TPPP2: variants seen among roughly 807,000 people sequenced by gnomAD.
TPPP2 encodes the protein tubulin polymerization-promoting protein family member 2.
In TPPP2, 8 loss-of-function variants were observed where a neutral mutation model predicts 13.0. The ratio of observed to expected loss-of-function variants is 0.62; its 90% CI spans 0.36 to 1.11. The LOEUF (loss-of-function observed/expected upper bound fraction) is 1.11. TPPP2 is among the 50% of genes most tolerant of loss of function. The pLI, the probability that TPPP2 is intolerant of heterozygous loss-of-function variation, is 0.02. For synonymous variants in TPPP2, 81 were observed against 81.8 expected (o/e 0.99, Z 0.05); for missense variants, 213 against 216.9 (o/e 0.98, Z 0.11).
upstream of TPPP2, chr14:21,025,600 G>A (rs1234884433): frequency 1.2e-5 from 12 of 985,454 alleles, no homozygotes; most frequent in Non-Finnish European, 3.6e-6. The surrounding 1 kb of genome is among the most constrained non-coding windows in gnomAD (Gnocchi z 5.1). Flanking sequence ...GGGCAGGTGT[G>A]CTGGCGCCGA....
In TPPP2 at chr14:21,032,082, G is replaced by A. The variant is rs773235032; in HGVS notation, c.*5G>A. On this transcript the variant is annotated 3_prime_UTR_variant, in exon 4 of 4. Coordinates refer to ENST00000321760, the MANE Select transcript of TPPP2 (RefSeq NM_173846.5). The stretch of plus-strand genomic sequence containing the variant: ...TACGATAAGAAGACCAAGTAGAGAG[G>A]AGCTTCATCTCAGCCTGCTAGCCCC... 6.2e-7 allele frequency: 1 copy of A among 1,609,908 alleles called. No individual in the cohort carries two copies.
chr14:21,029,788 G>T (rs1241643944), upstream of TPPP2, among the ~76,000 whole-genome samples: 2 of 152,150 alleles, frequency 1.3e-5, no homozygotes, highest in African/African-American at 2.4e-5. Flanking sequence ...GCAAGAAGGT[G>T]CCATCTATGG....
chr14:21,024,390 C>G, intron 1 of TPPP2: 3 of 911,208 alleles, frequency 3.3e-6, no homozygotes, highest in Non-Finnish European at 3.9e-6. Flanking sequence ...AATCCCGGCT[C>G]TGCCACTCCC....
upstream of TPPP2, chr14:21,025,380 G>T: frequency 2.0e-6 from 2 of 985,528 alleles, no homozygotes; most frequent in Non-Finnish European, 2.4e-6. This position sits in a 1 kb window ranked among gnomAD's most constrained non-coding sequence, Gnocchi z 5.1. Context: ...CCTCAGCACC[G>T]CCCCATCCAC....
downstream of TPPP2, chr14:21,033,841 C>T (rs765214875): frequency 2.9e-5 from 46 of 1,612,176 alleles, no homozygotes; most frequent in East Asian, 3.6e-4. Flanking sequence ...TAGAGACCAG[C>T]GATACCTATT....
intron 3 of TPPP2, among the ~76,000 whole-genome samples, chr14:21,031,656 T>C (rs1392928937): frequency 6.6e-5 from 10 of 151,722 alleles, no homozygotes; most frequent in Non-Finnish European, 1.5e-5. Context: ...AAACCTACCC[T>C]CCCTCTGCAC....
downstream of TPPP2, chr14:21,034,102 T>C (rs1467805144): frequency 1.8e-5 from 29 of 1,614,062 alleles, no homozygotes; most frequent in Non-Finnish European, 2.4e-5. Flanking sequence ...GAATTTTGCA[T>C]CTTGCCTCGC....
intron 3 of TPPP2, 120 bp downstream of exon 3, chr14:21,031,285 A>G: frequency 1.5e-6 from 2 of 1,339,696 alleles, no homozygotes; most frequent in Non-Finnish European, 1.0e-6. Flanking sequence ...GACTTTAGAG[A>G]TCATCTAGAC....
At position 21,025,174 on chromosome 14, in the gene TPPP2, A is replaced by T; in HGVS notation, n.236+830A>T. The T allele has an allele frequency of 1.1e-6, 1 of 908,950 alleles. No homozygotes were observed. Among genetic ancestry groups the T allele is most frequent in the South Asian group, 5.0e-5 (1 of 19,816 alleles). 56.3% of individuals were successfully genotyped at this position (908,950 alleles called of 1,614,324 possible). On this transcript the variant is annotated intron_variant and non_coding_transcript_variant, in intron 1 of 1. Coordinates refer to the TPPP2 transcript ENST00000533755. This position sits in a 1 kb window ranked among gnomAD's most constrained non-coding sequence, Gnocchi z 5.1. The stretch of plus-strand genomic sequence containing the variant: ...GCAGACCCGCCCCAGACCCCCAGTA[A>T]ACACGCCCCCCCTTTCACCCCGCCC...
At chr14:21,025,233 C>G, upstream of TPPP2, 1 of 851,678 alleles carries the variant, frequency 1.2e-6, no homozygotes, top group African/African-American at 1.8e-5. The surrounding 1 kb of genome is among the most constrained non-coding windows in gnomAD (Gnocchi z 5.1). Flanking sequence ...GTGCTGGGGC[C>G]GGGGGGCGAG....
intron 1 of TPPP2, 82 bp from the exon 2 acceptor site, chr14:21,030,431 A>T: frequency 1.3e-6 from 1 of 770,098 alleles, no homozygotes; most frequent in Non-Finnish European, 2.1e-6. Context: ...GGGAGGGAGA[A>T]AGGAGAGAGC....
chr14:21,034,908 C>T (rs994381153), downstream of TPPP2: 2 of 152,482 alleles, frequency 1.3e-5, no homozygotes, highest in Non-Finnish European at 2.9e-5. Flanking sequence ...GGAACACTTA[C>T]TTCCAATCTC....
chr14:21,024,845 G>T, intron 1 of TPPP2: 1 of 985,724 alleles, frequency 1.0e-6, no homozygotes, highest in Non-Finnish European at 1.2e-6. Flanking sequence ...AACCTCGCGC[G>T]CACCCCAAAC....
At chr14:21,034,153 T>C (rs1884454201), downstream of TPPP2, 1 of 1,614,042 alleles carries the variant, frequency 6.2e-7, no homozygotes, top group South Asian at 1.1e-5. Context: ...CGGAAACCCT[T>C]TGGGTAGTTA....
At chr14:21,036,319 CT>C (rs1473906128), downstream of TPPP2, 1 of 454,656 alleles carries the variant, frequency 2.2e-6, no homozygotes, top group Non-Finnish European at 4.4e-6. Context: ...TCTGCAATAG[CT>C]TGTTTCTCAT....
rs1396320953 is a variant in TPPP2, at chr14:21,032,061, A to G, written c.497A>G (p.Asp166Gly). Residue 166 changes from aspartate (D) to glycine (G), a missense_variant, in exon 4 of 4, where the codon GAT (aspartate) becomes GGT (glycine). Coordinates refer to ENST00000321760, the MANE Select transcript of TPPP2 (RefSeq NM_173846.5). The stretch of plus-strand genomic sequence containing the variant: ...GGTTACAAGGGTTCTGGCACCTACG[A>G]TAAGAAGACCAAGTAGAGAGGAGCT... ...VSGYKGSGTY[D>G]KKTK The G allele has an allele frequency of 2.2e-5, 35 of 1,613,654 alleles. No homozygotes were observed. The Admixed American group carries it at 5.8e-4, about 27-fold the overall frequency.
chr14:21,025,484 A>G (rs994350065), upstream of TPPP2: 5 of 984,930 alleles, frequency 5.1e-6, no homozygotes, highest in South Asian at 2.4e-4. This position sits in a 1 kb window ranked among gnomAD's most constrained non-coding sequence, Gnocchi z 5.1. Context: ...GGATACTGAC[A>G]CCCCACGAGT....
chr14:21,024,881 GCCT>G, intron 1 of TPPP2: 1 of 985,594 alleles, frequency 1.0e-6, no homozygotes, highest in South Asian at 4.7e-5. Context: ...TGGAGCCTCA[GCCT>G]TTGTGCGCAG....
downstream of TPPP2, among the ~76,000 whole-genome samples, chr14:21,035,482 G>A (rs565510459): frequency 9.1e-4 from 138 of 152,300 alleles, 3 homozygotes; most frequent in Middle Eastern, 3.4e-3. Flanking sequence ...GAAACTGCTA[G>A]CTCTTGCCCT....
Sources: gnomAD v4.1 joint callset for allele counts (sites outside exome capture counted in the v4.1 genomes callset) on GRCh38, gnomAD v4.1.1 for gene constraint, Gnocchi (gnomAD v3.1) non-coding constraint, MANE v1.5 for transcripts, NCBI Gene and HGNC (gene_info 2026-07-23, HGNC 2026-07-21) for gene names.